IL1RAPL1: variants seen among roughly 807,000 people sequenced by gnomAD.
IL1RAPL1 encodes interleukin 1 receptor accessory protein like 1.
In IL1RAPL1, 3 loss-of-function variants were observed where a neutral mutation model predicts 48.4. That is an observed-to-expected ratio of 0.06 (90% CI 0.03 to 0.16). IL1RAPL1 has a LOEUF of 0.16. Ranked by LOEUF, IL1RAPL1 falls within the 10% of genes least tolerant of loss-of-function variation. The pLI, the probability that IL1RAPL1 is intolerant of heterozygous loss-of-function variation, is 1.00. For synonymous variants in IL1RAPL1, 185 were observed against 187.7 expected (o/e 0.99, Z 0.12); for missense variants, 349 against 530.6 (o/e 0.66, Z 3.36).
At chrX:29,827,731 C>A (rs1213398632) in intron 6 of IL1RAPL1, among the ~76,000 whole-genome samples, 3 of 112,675 alleles carry the variant, frequency 2.7e-5, no homozygotes, top group Non-Finnish European at 5.6e-5. Context: ...AATTACTTAA[C>A]CACTCTGTGT....
At chrX:29,900,668 G>A (rs1246370345) in intron 6 of IL1RAPL1, among the ~76,000 whole-genome samples, 2 of 111,278 alleles carry the variant, frequency 1.8e-5, no homozygotes, top group East Asian at 2.8e-4. Flanking sequence ...TTTTCTTCTC[G>A]AAGAGGGAGC....
chrX:29,288,592 G>A (rs1340811981), intron 3 of IL1RAPL1, among the ~76,000 whole-genome samples: 2 of 111,849 alleles, frequency 1.8e-5, no homozygotes, highest in African/African-American at 6.5e-5. Context: ...GCATGTTTTT[G>A]CTATTGTGAG....
chrX:29,138,581 A>C (rs774514816), intron 2 of IL1RAPL1, among the ~76,000 whole-genome samples: 1 of 105,324 alleles, frequency 9.5e-6, no homozygotes, highest in East Asian at 3.0e-4. Context: ...CAGCCTGGCC[A>C]ACATGGTGAA....
At chrX:28,993,738 T>A (rs769423738) in intron 2 of IL1RAPL1, among the ~76,000 whole-genome samples, 7 of 112,352 alleles carry the variant, frequency 6.2e-5, no homozygotes, top group Admixed American at 9.5e-5. Flanking sequence ...GAATTTAACT[T>A]GATGAATGCC....
At chrX:29,624,515 A>G (rs1476868174) in intron 5 of IL1RAPL1, among the ~76,000 whole-genome samples, 1 of 111,966 alleles carries the variant, frequency 8.9e-6, no homozygotes, top group Admixed American at 9.4e-5. Flanking sequence ...TTCATGTCAC[A>G]TGTAATCACA....
intron 2 of IL1RAPL1, among the ~76,000 whole-genome samples, chrX:28,832,822 A>ATTTTTTTTTTTTTTTTTTTT (rs199869467): frequency 1.2e-5 from 1 of 80,421 alleles, no homozygotes. Flanking sequence ...ATTTTTTTCA[A>ATTTTTTTTTTTTTTTTTTTT]TTTTTTTTTT....
chrX:29,444,182 A>G (rs1934583556), intron 5 of IL1RAPL1, among the ~76,000 whole-genome samples: 1 of 109,842 alleles, frequency 9.1e-6, no homozygotes, highest in African/African-American at 3.3e-5. Flanking sequence ...TCTCTACTAA[A>G]AATACAAAAA....
At chrX:28,693,143 A>G (rs1163437625) in intron 1 of IL1RAPL1, among the ~76,000 whole-genome samples, 1 of 112,001 alleles carries the variant, frequency 8.9e-6, no homozygotes, top group Non-Finnish European at 1.9e-5. Context: ...CTCTTACTTC[A>G]TAGAGGAAAA....
intron 3 of IL1RAPL1, among the ~76,000 whole-genome samples, chrX:29,348,424 T>A (rs1933180461): frequency 8.9e-6 from 1 of 112,217 alleles, no homozygotes; most frequent in African/African-American, 3.2e-5. Context: ...AATGTAACTT[T>A]TGGATCATAT....
intron 6 of IL1RAPL1, among the ~76,000 whole-genome samples, chrX:29,905,681 G>T (rs1197602116): frequency 9.0e-6 from 1 of 111,302 alleles, no homozygotes. Context: ...GGGGGATAAG[G>T]AGAGTGTTCA....
chrX:29,423,289 C>T lies in IL1RAPL1; in HGVS notation c.703+23981C>T, dbSNP rs1040228619. Among the ~76,000 whole-genome samples, 3 of 112,041 alleles carry T rather than the reference C, an allele frequency of 2.7e-5. No individual in the cohort carries two copies. In the Admixed American group the frequency reaches 2.9e-4, roughly 11 times the overall value. ...TGCCTTTCTGGACCAAACCAAAGTA[C>T]ATTTTCCATTTATCGATTTATGTCT... On this transcript the variant is annotated intron_variant, in intron 5 of 10. Coordinates refer to ENST00000378993, the MANE Select transcript of IL1RAPL1 (RefSeq NM_014271.4).
At chrX:29,333,454 G>C (rs1431576590) in intron 3 of IL1RAPL1, among the ~76,000 whole-genome samples, 92 of 45,856 alleles carry the variant, frequency 2.0e-3, no homozygotes, top group Middle Eastern at 0.012. Context: ...CGGGCAGAGG[G>C]GCTCCTCACT....
chrX:29,286,897 T>C (rs780524684), intron 3 of IL1RAPL1, among the ~76,000 whole-genome samples: 72 of 110,471 alleles, frequency 6.5e-4, no homozygotes, highest in Non-Finnish European at 1.2e-3. Context: ...TTGAGATAAT[T>C]GCAGGTTCAT....
intron 2 of IL1RAPL1, among the ~76,000 whole-genome samples, chrX:28,798,864 G>A (rs1936643199): frequency 9.0e-6 from 1 of 111,605 alleles, no homozygotes; most frequent in Non-Finnish European, 1.9e-5. Flanking sequence ...AAGGATGAGA[G>A]ATGCGGAAGG....
At chrX:29,802,710 G>A (rs1228755532) in intron 6 of IL1RAPL1, among the ~76,000 whole-genome samples, 1 of 89,289 alleles carries the variant, frequency 1.1e-5, no homozygotes, top group East Asian at 3.4e-4. Context: ...GTGTTTGGAT[G>A]TATCCTAAGC....
chrX:29,869,945 C>G (rs1931768686), intron 6 of IL1RAPL1, among the ~76,000 whole-genome samples: 1 of 110,366 alleles, frequency 9.1e-6, no homozygotes, highest in Non-Finnish European at 1.9e-5. Context: ...TGAGAGACAA[C>G]TATTGTGAGA....
At chrX:28,771,907 C>T (rs753224256) in intron 1 of IL1RAPL1, among the ~76,000 whole-genome samples, 4 of 82,431 alleles carry the variant, frequency 4.9e-5, no homozygotes, top group South Asian at 7.6e-4. Flanking sequence ...GTCCGCAGTC[C>T]GGCCTGGGCG....
At chrX:29,954,078 A>T (rs947482466) in intron 9 of IL1RAPL1, among the ~76,000 whole-genome samples, 2 of 108,762 alleles carry the variant, frequency 1.8e-5, no homozygotes, top group Non-Finnish European at 3.8e-5. Flanking sequence ...TCTACTAAAA[A>T]TACAAAAATT....
intron 2 of IL1RAPL1, among the ~76,000 whole-genome samples, chrX:29,069,670 C>CACACACACACA (rs59221015): frequency 6.7e-5 from 7 of 105,130 alleles, no homozygotes; most frequent in South Asian, 4.2e-4. Context: ...CACACACACA[C>CACACACACACA]CCCTCCCCTT....
Sources: allele counts gnomAD v4.1 joint callset (sites outside exome capture counted in the v4.1 genomes callset), GRCh38; gene constraint gnomAD v4.1.1; transcripts MANE v1.5; gene names NCBI Gene and HGNC (gene_info 2026-07-23, HGNC 2026-07-21).